KIAA1217: variants seen among roughly 807,000 people sequenced by gnomAD.
KIAA1217 encodes sickle tail protein homolog.
In KIAA1217, 88 loss-of-function variants were observed where a neutral mutation model predicts 163.9. The ratio of observed to expected loss-of-function variants is 0.54; its 90% confidence interval spans 0.45 to 0.64. KIAA1217 has a LOEUF of 0.64. KIAA1217 is among the 30% of genes least tolerant of loss of function. The pLI is 0.00. For synonymous variants in KIAA1217, 903 were observed against 923.1 expected, an observed-to-expected ratio of 0.98 and a Z score of 0.39; for missense variants, 2,372 against 2,475.0, an observed-to-expected ratio of 0.96 and a Z score of 0.88.
intron 2 of KIAA1217, among the ~76,000 whole-genome samples, chr10:24,157,265 TTG>T (rs1434628027): frequency 2.6e-5 from 4 of 152,210 alleles, no homozygotes; most frequent in African/African-American, 9.6e-5. Context: ...TGAATATTTT[TTG>T]TGTGCTAATT....
chr10:23,843,021 G>A (rs1351959511), intron 1 of KIAA1217, among the ~76,000 whole-genome samples: 1 of 152,138 alleles, frequency 6.6e-6, no homozygotes, highest in Non-Finnish European at 1.5e-5. Flanking sequence ...CAGAAGTTGA[G>A]GAAGACTTCC....
At chr10:23,703,328 G>A (rs1392235021) in intron 1 of KIAA1217, among the ~76,000 whole-genome samples, 1 of 152,112 alleles carries the variant, frequency 6.6e-6, no homozygotes, top group Non-Finnish European at 1.5e-5. Flanking sequence ...GCAAGAACGG[G>A]ACATTGCCCT....
At chr10:24,112,651 C>T (rs555286084) in intron 2 of KIAA1217, among the ~76,000 whole-genome samples, 78 of 152,074 alleles carry the variant, frequency 5.1e-4, no homozygotes, top group African/African-American at 1.8e-3. Flanking sequence ...GTGGCACAAT[C>T]TCGGCTCACT....
In KIAA1217 at chr10:24,528,008, C is replaced by T. The variant is rs1188448722; in HGVS notation, c.2971C>T (p.Leu991=). 1.2e-6 allele frequency: 2 copies of T among 1,614,072 alleles called. No homozygotes were observed. Among genetic ancestry groups the T allele is most frequent in the Non-Finnish European group, 1.7e-6 (2 of 1,179,990 alleles). The change falls in exon 14 of 21, where the codon CTA becomes TTA. Residue 991 remains leucine (L), a synonymous_variant. Transcript: ENST00000376454. ...TAATGGGAAAGAGTTTGAGAAGCTC[C>T]TAGAAGAAGCTCAGGCCAATATCAT... ...HYNGKEFEKL[L]EEAQANIMKS... is the part of the protein sequence containing the mutation.
At chr10:24,112,977 C>A (rs2062913852) in intron 2 of KIAA1217, among the ~76,000 whole-genome samples, 1 of 152,078 alleles carries the variant, frequency 6.6e-6, no homozygotes. Context: ...AGTGAGAAAC[C>A]AAGGCCTGCT....
At chr10:24,245,085 G>A (rs967995887) in intron 2 of KIAA1217, among the ~76,000 whole-genome samples, 1 of 152,150 alleles carries the variant, frequency 6.6e-6, no homozygotes, top group Admixed American at 6.5e-5. Context: ...CAAGGTAGGT[G>A]ATAGCATTGG....
At chr10:24,258,759 AT>A (rs576024382) in intron 2 of KIAA1217, among the ~76,000 whole-genome samples, 8 of 151,804 alleles carry the variant, frequency 5.3e-5, no homozygotes, top group African/African-American at 1.9e-4. Context: ...AGCCCGGCTA[AT>A]TTTTTGTATT....
At chr10:23,996,109 T>C (rs1477406996) in intron 1 of KIAA1217, among the ~76,000 whole-genome samples, 2 of 152,182 alleles carry the variant, frequency 1.3e-5, no homozygotes, top group East Asian at 3.9e-4. Flanking sequence ...GCAACTCCCC[T>C]GCCTCCCTTT....
At chr10:24,315,051 T>C (rs1345098853) in intron 2 of KIAA1217, among the ~76,000 whole-genome samples, 2 of 152,174 alleles carry the variant, frequency 1.3e-5, no homozygotes, top group Non-Finnish European at 2.9e-5. Context: ...GTTCAGACAG[T>C]CTTCCATGGG....
At chr10:23,913,322 T>C (rs1842511744) in intron 1 of KIAA1217, among the ~76,000 whole-genome samples, 1 of 151,998 alleles carries the variant, frequency 6.6e-6, no homozygotes, top group African/African-American at 2.4e-5. Context: ...GTACATGAGT[T>C]TATATTGGCA....
chr10:23,900,798 A>G lies in KIAA1217; in HGVS notation c.-320-106427A>G, dbSNP rs142187127. Among the ~76,000 whole-genome samples, 75 of 152,190 alleles carry G rather than the reference A, an allele frequency of 4.9e-4. 1 individual carries two copies. The East Asian group carries it at 0.011, about 22-fold the overall frequency. Reference sequence around the variant, plus strand: ...TAGACTCCAGTTAAAGAAAGACTTGATTTAAATTCCAACTGTATCATGTCC... The same window carrying G: ...TAGACTCCAGTTAAAGAAAGACTTGGTTTAAATTCCAACTGTATCATGTCC... On this transcript the variant is annotated intron_variant, in intron 1 of 18. Coordinates refer to the KIAA1217 transcript ENST00000376462.
intron 3 of KIAA1217, among the ~76,000 whole-genome samples, chr10:24,399,349 A>C (rs1047474818): frequency 6.6e-6 from 1 of 152,174 alleles, no homozygotes; most frequent in South Asian, 2.1e-4. Context: ...CTTTTAACTT[A>C]TTCTTTTTAC....
At chr10:24,103,506 A>T in intron 2 of KIAA1217, among the ~76,000 whole-genome samples, 1 of 152,196 alleles carries the variant, frequency 6.6e-6, no homozygotes, top group Non-Finnish European at 1.5e-5. Context: ...CACATCTGAA[A>T]AAGGACTATT....
chr10:24,236,859 C>G (rs2072348112), intron 2 of KIAA1217, among the ~76,000 whole-genome samples: 1 of 150,800 alleles, frequency 6.6e-6, no homozygotes, highest in Non-Finnish European at 1.5e-5. Flanking sequence ...GCTATGTTGC[C>G]CAAGCTGGTC....
Position 24,473,425 on chromosome 10 carries a change from G to A in KIAA1217, c.1044G>A (p.Arg348=), listed in dbSNP as rs137982054. Residue 348 remains arginine, a synonymous_variant, in exon 6 of 21, where the codon AGG becomes AGA. Coordinates refer to ENST00000376454, the MANE Select transcript of KIAA1217 (RefSeq NM_019590.5). ...TTCCTGGCAATGCCACCATCCCCAG[G>A]GACAGAATCTCCAGCCTGCCAGTCT... ...MVVPGNATIP[R]DRISSLPVSR... 6.2e-7 allele frequency: 1 copy of A among 1,613,990 alleles called. No homozygotes were observed. The highest frequency in any genetic ancestry group is 8.5e-7 in the Non-Finnish European group (1 of 1,179,990).
intron 2 of KIAA1217, among the ~76,000 whole-genome samples, chr10:24,060,081 T>C (rs1222600933): frequency 6.6e-6 from 1 of 152,162 alleles, no homozygotes; most frequent in Admixed American, 6.5e-5. Flanking sequence ...TCTCTTTTTT[T>C]TCTTAGTCTA....
chr10:24,161,248 C>G (rs1399061698), intron 2 of KIAA1217, among the ~76,000 whole-genome samples: 4 of 152,186 alleles, frequency 2.6e-5, no homozygotes, highest in African/African-American at 4.8e-5. Context: ...ATGTTAAGAA[C>G]AGAGAGCAAG....
chr10:23,837,972 C>T (rs762526316), intron 1 of KIAA1217, among the ~76,000 whole-genome samples: 1 of 152,164 alleles, frequency 6.6e-6, no homozygotes, highest in African/African-American at 2.4e-5. Flanking sequence ...TGACCCATTC[C>T]TTCAACAAAA....
intron 1 of KIAA1217, among the ~76,000 whole-genome samples, chr10:23,732,649 C>T (rs980685497): frequency 2.6e-5 from 4 of 152,036 alleles, no homozygotes; most frequent in African/African-American, 9.7e-5. Context: ...TCATTGATGT[C>T]TCTCCTAATT....
Sources: gnomAD v4.1 joint callset for allele counts (sites outside exome capture counted in the v4.1 genomes callset) on GRCh38, gnomAD v4.1.1 for gene constraint, MANE v1.5 for transcripts, NCBI Gene and HGNC (gene_info 2026-07-23, HGNC 2026-07-21) for gene names.